Variants in NTM observed in about 807,000 individuals in gnomAD.
NTM encodes IgLON family member 2.
A neutral mutation model predicts 42.1 loss-of-function variants in NTM; 13 were observed. That is an observed-to-expected ratio of 0.31 (90% CI 0.20 to 0.49). The LOEUF is 0.49. Ranked by LOEUF, NTM falls within the 20% of genes least tolerant of loss-of-function variation. NTM has a pLI of 0.99. For missense variants in NTM, 373 were observed against 452.8 expected (o/e 0.82, Z 1.60); for synonymous variants, 187 against 179.2 (o/e 1.04, Z -0.35).
intron 1 of NTM, chr11:131,539,725 G>A (rs940574132): frequency 1.3e-5 from 2 of 152,790 alleles, no homozygotes; most frequent in African/African-American, 4.8e-5. Flanking sequence ...GGAATGAATA[G>A]AGGTGGACTT....
At chr11:132,087,509 A>C (rs1218841059) in intron 2 of NTM, among the ~76,000 whole-genome samples, 1 of 152,078 alleles carries the variant, frequency 6.6e-6, no homozygotes, top group African/African-American at 2.4e-5. Context: ...GAACTGCCTC[A>C]AGGAGGTGCC....
intron 2 of NTM, among the ~76,000 whole-genome samples, chr11:132,107,642 T>G (rs1323825610): frequency 6.6e-6 from 1 of 152,146 alleles, no homozygotes; most frequent in Non-Finnish European, 1.5e-5. Context: ...AGTGCTCAGA[T>G]TACTGACATG....
intron 2 of NTM, among the ~76,000 whole-genome samples, chr11:132,069,981 GA>G (rs2057257339): frequency 1.1e-5 from 1 of 93,170 alleles, no homozygotes; most frequent in African/African-American, 4.9e-5. Flanking sequence ...TCAAACTGAC[GA>G]TCACAGGTTA....
chr11:131,853,085 G>C (rs1258315928), intron 1 of NTM, among the ~76,000 whole-genome samples: 2 of 149,832 alleles, frequency 1.3e-5, no homozygotes, highest in Non-Finnish European at 3.0e-5. Flanking sequence ...TTCAGGAAGA[G>C]AGTCAATCTA....
At chr11:131,674,401 C>T (rs150726800) in intron 1 of NTM, among the ~76,000 whole-genome samples, 5 of 152,204 alleles carry the variant, frequency 3.3e-5, no homozygotes, top group African/African-American at 4.8e-5. Flanking sequence ...TGTGGCTTAG[C>T]GGCTGGACGT....
intron 2 of NTM, among the ~76,000 whole-genome samples, chr11:132,036,357 A>C (rs2076511514): frequency 6.6e-6 from 1 of 152,150 alleles, no homozygotes; most frequent in Admixed American, 6.5e-5. Flanking sequence ...CATGGGGGAA[A>C]TTGGGTGTAA....
chr11:131,806,187 C>T (rs775801995), intron 1 of NTM, among the ~76,000 whole-genome samples: 2 of 152,162 alleles, frequency 1.3e-5, no homozygotes, highest in Non-Finnish European at 2.9e-5. Context: ...TTGAGTTTTT[C>T]TGTAAGTCTA....
chr11:131,396,718 C>T (rs1433994244), intron 1 of NTM, among the ~76,000 whole-genome samples: 2 of 151,960 alleles, frequency 1.3e-5, no homozygotes, highest in Non-Finnish European at 2.9e-5. Flanking sequence ...ACTGTAATCC[C>T]AGCTACTCGA....
At position 131,975,241 on chromosome 11, in the gene NTM, A is replaced by T. The variant is rs552891104; in HGVS notation, c.167+63593A>T. On this transcript the variant is annotated intron_variant, in intron 2 of 8. Transcript: ENST00000683400. Reference sequence around the variant, plus strand: ...CTGTCACCAGTCTGGAGTGCAGTTGAGCAATCTCAGCTCACTTCAACCTCT... The same window carrying T: ...CTGTCACCAGTCTGGAGTGCAGTTGTGCAATCTCAGCTCACTTCAACCTCT... Among the ~76,000 whole-genome samples, 3 of 151,812 alleles carry T rather than the reference A, an allele frequency of 2.0e-5. No individual in the cohort carries two copies. The Middle Eastern group carries it at 0.01, about 516-fold the overall frequency.
intron 1 of NTM, among the ~76,000 whole-genome samples, chr11:131,629,072 A>T (rs140852954): frequency 6.6e-6 from 1 of 152,314 alleles, no homozygotes; most frequent in Non-Finnish European, 1.5e-5. Context: ...ATGTTAGTGC[A>T]TGGATTAGGA....
intron 2 of NTM, among the ~76,000 whole-genome samples, chr11:132,019,357 T>C (rs1940583): frequency 0.01 from 1,532 of 152,130 alleles, 32 homozygotes; most frequent in African/African-American, 0.035. Context: ...GTCAAGTTGG[T>C]TGATAGTGTT....
intron 2 of NTM, among the ~76,000 whole-genome samples, chr11:132,114,210 G>A (rs765555712): frequency 1.3e-5 from 2 of 152,198 alleles, no homozygotes; most frequent in African/African-American, 2.4e-5. Context: ...ATCTAAAAAT[G>A]TGTTTAAAAT....
chr11:131,578,933 T>C (rs944582148), intron 1 of NTM, among the ~76,000 whole-genome samples: 2 of 152,150 alleles, frequency 1.3e-5, no homozygotes, highest in Non-Finnish European at 2.9e-5. Flanking sequence ...CTTAGCAAGA[T>C]AGTCACAGGA....
At chr11:131,632,635 C>T (rs1217841684) in intron 1 of NTM, among the ~76,000 whole-genome samples, 1 of 148,770 alleles carries the variant, frequency 6.7e-6, no homozygotes, top group Non-Finnish European at 1.5e-5. Context: ...TGTAGAGCTG[C>T]CATAGCACTA....
chr11:131,515,193 G>C (rs1197402853), intron 1 of NTM, among the ~76,000 whole-genome samples: 1 of 152,176 alleles, frequency 6.6e-6, no homozygotes, highest in African/African-American at 2.4e-5. Context: ...GGGATTATAG[G>C]CATGAGCCAC....
At chr11:131,599,892 T>A (rs1482103328) in intron 1 of NTM, among the ~76,000 whole-genome samples, 1 of 152,244 alleles carries the variant, frequency 6.6e-6, no homozygotes, top group South Asian at 2.1e-4. Flanking sequence ...CCTGCCTCCC[T>A]GGGCAGAGTT....
chr11:132,293,255 G>A (rs1448405058), intron 4 of NTM, among the ~76,000 whole-genome samples: 1 of 152,154 alleles, frequency 6.6e-6, no homozygotes, highest in Non-Finnish European at 1.5e-5. Flanking sequence ...AAGATGTAAG[G>A]TTTGAAAAAG....
chr11:131,567,739 G>T (rs149143573), intron 1 of NTM, among the ~76,000 whole-genome samples: 1 of 152,178 alleles, frequency 6.6e-6, no homozygotes, highest in African/African-American at 2.4e-5. Context: ...AAAGTCCTGC[G>T]TCTTTCTTCC....
At chr11:132,280,368 G>A (rs36161267) in intron 4 of NTM, among the ~76,000 whole-genome samples, 47,403 of 151,614 alleles carry the variant, frequency 0.31, 7,595 homozygotes, top group Non-Finnish European at 0.33. Context: ...CAGTTTGCTC[G>A]CCTAGGGTGC....
Sources: gnomAD v4.1 joint callset for allele counts (sites outside exome capture counted in the v4.1 genomes callset) on GRCh38, gnomAD v4.1.1 for gene constraint, MANE v1.5 for transcripts, NCBI Gene and HGNC (gene_info 2026-07-23, HGNC 2026-07-21) for gene names.